EBF1: variants seen among roughly 807,000 people sequenced by gnomAD.
The protein encoded by EBF1 is EBF transcription factor 1, also known as transcription factor COE1.
EBF1 carries 10 observed loss-of-function variants against 68.4 expected under a neutral mutation model. The observed-to-expected ratio is 0.15, with a 90% CI of 0.09 to 0.25. The LOEUF (loss-of-function observed/expected upper bound fraction) is 0.25, where lower values mean the gene tolerates loss of function less well. EBF1 is among the 10% of genes least tolerant of loss of function. The pLI is 1.00. For missense variants in EBF1, 509 were observed against 794.4 expected, an observed-to-expected ratio of 0.64 and a Z score of 4.32; for synonymous variants, 298 against 299.8, an observed-to-expected ratio of 0.99 and a Z score of 0.06.
At chr5:158,808,119 G>A (rs1053131543) in intron 8 of EBF1, among the ~76,000 whole-genome samples, 6 of 152,056 alleles carry the variant, frequency 3.9e-5, no homozygotes, top group African/African-American at 1.4e-4. Context: ...TGTTTCCGTG[G>A]TGATGATCTG....
Position 159,099,407 on chromosome 5 carries a change from C to G in EBF1, c.72G>C (p.Met24Ile). The change falls in exon 1 of 16, where the codon ATG becomes ATC. Residue 24 changes from methionine (M) to isoleucine (I), a missense_variant. Physicochemically the swap from Met to Ile is conservative, Grantham distance 10 (BLOSUM62 1). Around this residue, in one of 3 missense-constraint regions of EBF1, gnomAD observed 74 missense variants for 79.4 expected, o/e 0.93. Transcript: ENST00000313708. The part of the protein sequence containing the change: ...SMKEEPLGSG[M>I]NAVRTWMQGA... ...CCTGCATCCACGTCCGCACCGCGTT[C>G]ATGCCGCTGCCCAGCGGCTCTTCCT... 1 of 1,602,434 alleles carries G rather than the reference C, an allele frequency of 6.2e-7. No individual in the cohort carries two copies.
At chr5:159,096,137 T>A in intron 3 of EBF1, 1 of 600,612 alleles carries the variant, frequency 1.7e-6, no homozygotes, top group South Asian at 2.1e-5. Context: ...TGGCCCCAGG[T>A]AAACGCGAGA....
chr5:158,994,614 C>T (rs1368147981), intron 6 of EBF1, among the ~76,000 whole-genome samples: 1 of 152,218 alleles, frequency 6.6e-6, no homozygotes, highest in East Asian at 1.9e-4. Context: ...GGCTTTAACA[C>T]TTATAATCAT....
At chr5:158,902,430 T>C (rs942088391) in intron 6 of EBF1, among the ~76,000 whole-genome samples, 171 of 151,128 alleles carry the variant, frequency 1.1e-3, no homozygotes, top group African/African-American at 4.0e-3. Context: ...TTTTTTTTTT[T>C]TTTCTTCTAG....
intron 15 of EBF1, 36 bp downstream of exon 15, chr5:158,707,943 T>A: frequency 6.5e-7 from 1 of 1,540,548 alleles, no homozygotes; most frequent in South Asian, 1.2e-5. Flanking sequence ...AGTCAGGGCA[T>A]TGAATCTGGA....
chr5:158,746,657 G>A (rs140239709), intron 10 of EBF1, among the ~76,000 whole-genome samples: 3 of 152,062 alleles, frequency 2.0e-5, no homozygotes, highest in Non-Finnish European at 4.4e-5. Context: ...GAAAAAAAAA[G>A]TGACCTTCCT....
At chr5:159,021,894 G>A (rs1561815138) in intron 6 of EBF1, among the ~76,000 whole-genome samples, 1 of 152,048 alleles carries the variant, frequency 6.6e-6, no homozygotes, top group Non-Finnish European at 1.5e-5. Context: ...GGACCCTGTG[G>A]TGTTCCTCCA....
chr5:159,042,295 A>G (rs1466879441), intron 6 of EBF1, among the ~76,000 whole-genome samples: 1 of 152,286 alleles, frequency 6.6e-6, no homozygotes, highest in East Asian at 1.9e-4. Flanking sequence ...CGGTCCTTTC[A>G]TCCACTCAAT....
At chr5:158,829,433 T>C (rs559630506) in intron 7 of EBF1, among the ~76,000 whole-genome samples, 3 of 151,598 alleles carry the variant, frequency 2.0e-5, no homozygotes, top group Admixed American at 2.0e-4. Flanking sequence ...GATCTACCCA[T>C]GTCAGTCTCC....
chr5:158,727,310 C>T (rs964645181), intron 11 of EBF1, among the ~76,000 whole-genome samples: 5 of 152,322 alleles, frequency 3.3e-5, no homozygotes, highest in African/African-American at 7.2e-5. Flanking sequence ...TGACCACTCA[C>T]GAAGGCAACT....
Position 158,801,843 on chromosome 5 carries a change from C to T in EBF1, c.779-5368G>A, listed in dbSNP as rs76235676. On this transcript the variant is annotated intron_variant, in intron 8 of 15. Transcript: ENST00000313708. The stretch of plus-strand genomic sequence containing the variant: ...AGGCAGAAGAAATCAGAGATGCCCT[C>T]GGTAGTTTAAAATTTTCTGATTTAC... 6.0e-3 allele frequency among the ~76,000 whole-genome samples: 908 copies of T among 152,130 alleles called. 16 individuals are homozygous for T. Among genetic ancestry groups the T allele is most frequent in the African/African-American group, 0.02 (811 of 41,504 alleles).
chr5:158,840,569 T>G (rs945935564), intron 6 of EBF1, among the ~76,000 whole-genome samples: 5 of 151,874 alleles, frequency 3.3e-5, no homozygotes, highest in African/African-American at 1.2e-4. Flanking sequence ...GTAAAATGTT[T>G]TAATTAGTAC....
At chr5:159,080,386 C>A (rs996700258) in intron 5 of EBF1, among the ~76,000 whole-genome samples, 2 of 152,186 alleles carry the variant, frequency 1.3e-5, no homozygotes, top group Non-Finnish European at 2.9e-5. Flanking sequence ...CCAGGCCACA[C>A]CATAAGCTCC....
intron 6 of EBF1, among the ~76,000 whole-genome samples, chr5:158,900,351 TTAC>T (rs1391734810): frequency 2.0e-5 from 3 of 152,184 alleles, no homozygotes; most frequent in African/African-American, 7.2e-5. Context: ...CTATCACTTT[TTAC>T]TACTTTTTCC....
At chr5:158,765,417 T>C (rs1198408145) in intron 10 of EBF1, among the ~76,000 whole-genome samples, 1 of 152,130 alleles carries the variant, frequency 6.6e-6, no homozygotes, top group African/African-American at 2.4e-5. Flanking sequence ...GAAGGCCATA[T>C]TTTGTGCAGA....
chr5:159,040,023 A>G (rs1227413080), intron 6 of EBF1, among the ~76,000 whole-genome samples: 1 of 152,208 alleles, frequency 6.6e-6, no homozygotes, highest in Admixed American at 6.5e-5. Context: ...AGCACTGTGA[A>G]TTTCTTTAAA....
chr5:159,034,378 A>G (rs1769591999), intron 6 of EBF1, among the ~76,000 whole-genome samples: 1 of 152,168 alleles, frequency 6.6e-6, no homozygotes, highest in South Asian at 2.1e-4. Flanking sequence ...ATTCAGCCCA[A>G]TGGCTAATCA....
intron 6 of EBF1, among the ~76,000 whole-genome samples, chr5:159,049,736 G>GTTCAA (rs1182706168): frequency 1.3e-5 from 2 of 152,156 alleles, no homozygotes; most frequent in Non-Finnish European, 2.9e-5. Flanking sequence ...ATTGTCCAAC[G>GTTCAA]TTAGAATCAA....
intron 6 of EBF1, among the ~76,000 whole-genome samples, chr5:158,982,649 G>T (rs1198136262): frequency 6.6e-6 from 1 of 151,752 alleles, no homozygotes; most frequent in African/African-American, 2.4e-5. Context: ...GCTTTACACG[G>T]TACTTAAATT....
Sources: allele counts gnomAD v4.1 joint callset (sites outside exome capture counted in the v4.1 genomes callset), GRCh38; gene constraint gnomAD v4.1.1; regional missense constraint gnomAD v4.1.1; transcripts MANE v1.5; gene names NCBI Gene and HGNC (gene_info 2026-07-23, HGNC 2026-07-21).